The following CDKN2B-AS1 variants were observed in gnomAD, a reference collection of about 807,000 sequenced individuals.
CDKN2B-AS1 encodes CDKN2B and CDKN2A antisense cis and trans regulatory RNA 1.
At chr9:22,085,626 C>T (rs1036155504) in intron 4 of CDKN2B-AS1, among the ~76,000 whole-genome samples, 8 of 150,320 alleles carry the variant, frequency 5.3e-5, no homozygotes, top group African/African-American at 2.0e-4. Flanking sequence ...GAAGCTGAGG[C>T]AGGAGAATGG....
At chr9:22,074,163 C>A (rs796998435) in intron 4 of CDKN2B-AS1, among the ~76,000 whole-genome samples, 1 of 152,072 alleles carries the variant, frequency 6.6e-6, no homozygotes, top group Non-Finnish European at 1.5e-5. Flanking sequence ...GTGCTTGGCA[C>A]CTAGAGGATT....
chr9:22,050,871 T>C (rs1823317124), intron 3 of CDKN2B-AS1, among the ~76,000 whole-genome samples: 1 of 152,178 alleles, frequency 6.6e-6, no homozygotes, highest in Admixed American at 6.5e-5. Flanking sequence ...GTGTGTGACC[T>C]GCAAAGTGCT....
intron 4 of CDKN2B-AS1, among the ~76,000 whole-genome samples, chr9:22,090,642 G>C (rs1464742319): frequency 1.3e-5 from 2 of 152,012 alleles, no homozygotes; most frequent in Non-Finnish European, 2.9e-5. Flanking sequence ...AGAAGTGTCT[G>C]TTCATATCCT....
At chr9:22,024,204 G>T (rs893388778) in intron 1 of CDKN2B-AS1, among the ~76,000 whole-genome samples, 7 of 152,110 alleles carry the variant, frequency 4.6e-5, no homozygotes, top group Non-Finnish European at 7.4e-5. Context: ...AAGACTTTAG[G>T]GGGCCATCGT....
Position 22,006,055 on chromosome 9 carries a change from C to T in CDKN2B-AS1, n.29+10894C>T, listed in dbSNP as rs1821164024. On this transcript the variant is annotated intron_variant and non_coding_transcript_variant, in intron 1 of 4. Transcript: ENST00000650946. The surrounding 1 kb of genome is among the most constrained non-coding windows in gnomAD (Gnocchi z 6.4). ...TGGCCCCGCTCCTCGGCCAAGTCCACGGGCAGACGACCCCAGGCATCGCGC... is the reference window on the plus strand; with the variant it reads ...TGGCCCCGCTCCTCGGCCAAGTCCATGGGCAGACGACCCCAGGCATCGCGC... 3 of 1,605,458 alleles carry T rather than the reference C, an allele frequency of 1.9e-6. No individual in the cohort carries two copies. The highest frequency in any genetic ancestry group is 1.7e-5 in the Admixed American group (1 of 59,944).
chr9:22,077,442 C>G (rs770576829), intron 4 of CDKN2B-AS1, among the ~76,000 whole-genome samples: 8 of 152,020 alleles, frequency 5.3e-5, no homozygotes, highest in South Asian at 2.1e-4. Flanking sequence ...ATACATGTAT[C>G]CAAGTTGCTC....
intron 4 of CDKN2B-AS1, chr9:22,077,591 G>A (rs917894472): frequency 1.3e-5 from 2 of 152,124 alleles, no homozygotes; most frequent in Non-Finnish European, 2.9e-5. Flanking sequence ...AGTCACCTGA[G>A]GCTAGTGACA....
chr9:22,107,556 C>T (rs1825692353), intron 4 of CDKN2B-AS1, among the ~76,000 whole-genome samples: 1 of 152,182 alleles, frequency 6.6e-6, no homozygotes, highest in Non-Finnish European at 1.5e-5. Context: ...AGTCCTTGTA[C>T]TGGGGATTAC....
At chr9:22,120,245 T>G (rs1228739577) in intron 4 of CDKN2B-AS1, 1 of 152,238 alleles carries the variant, frequency 6.6e-6, no homozygotes, top group Non-Finnish European at 1.5e-5. Context: ...CATGAGCTAT[T>G]GAGGCCTTTG....
chr9:22,019,114 A>T (rs921848496), intron 1 of CDKN2B-AS1, among the ~76,000 whole-genome samples: 11 of 152,218 alleles, frequency 7.2e-5, no homozygotes, highest in Non-Finnish European at 1.3e-4. Flanking sequence ...TGACTGGAGC[A>T]TAGGGATGGA....
At chr9:22,015,016 A>G (rs549375258) in intron 1 of CDKN2B-AS1, among the ~76,000 whole-genome samples, 1 of 152,070 alleles carries the variant, frequency 6.6e-6, no homozygotes, top group South Asian at 2.1e-4. Flanking sequence ...TCATTGTTGG[A>G]CATTTGGGTT....
chr9:22,095,149 T>A (rs1825229665), intron 4 of CDKN2B-AS1, among the ~76,000 whole-genome samples: 2 of 144,766 alleles, frequency 1.4e-5, no homozygotes, highest in Non-Finnish European at 1.5e-5. Context: ...CAGCAAATGT[T>A]CCTGCCTGAT....
At chr9:22,090,770 G>T (rs1238153391) in intron 4 of CDKN2B-AS1, among the ~76,000 whole-genome samples, 2 of 152,054 alleles carry the variant, frequency 1.3e-5, no homozygotes, top group African/African-American at 4.8e-5. Flanking sequence ...CTCCCATTCT[G>T]TAGGTTGGCT....
chr9:22,058,061 G>T (rs995858234), intron 4 of CDKN2B-AS1, among the ~76,000 whole-genome samples: 2 of 149,454 alleles, frequency 1.3e-5, no homozygotes, highest in Non-Finnish European at 3.0e-5. Flanking sequence ...AGGTGTGGTG[G>T]TGGGCACCTG....
At chr9:22,113,982 C>A (rs1290571762) in intron 4 of CDKN2B-AS1, among the ~76,000 whole-genome samples, 1 of 152,186 alleles carries the variant, frequency 6.6e-6, no homozygotes, top group Non-Finnish European at 1.5e-5. Flanking sequence ...CTTAAAAAGA[C>A]TCTATAGAGT....
At chr9:22,069,120 TG>T (rs574284422) in intron 4 of CDKN2B-AS1, among the ~76,000 whole-genome samples, 342 of 152,270 alleles carry the variant, frequency 2.2e-3, no homozygotes, top group Middle Eastern at 0.01. Flanking sequence ...ACTTTTCCTG[TG>T]TGAAAATAAT....
intron 1 of CDKN2B-AS1, chr9:22,004,293 C>T: frequency 4.3e-6 from 1 of 232,444 alleles, no homozygotes; most frequent in Non-Finnish European, 8.5e-6. Context: ...TCTTATAAGT[C>T]TCCACTCTCA....
intron 4 of CDKN2B-AS1, among the ~76,000 whole-genome samples, chr9:22,126,576 T>C (rs1171441264): frequency 1.4e-5 from 2 of 140,786 alleles, no homozygotes; most frequent in Non-Finnish European, 3.1e-5. Flanking sequence ...AGTGGATTCT[T>C]TTTTTTTTTT....
intron 1 of CDKN2B-AS1, among the ~76,000 whole-genome samples, chr9:22,045,588 T>C (rs2131271786): frequency 6.6e-6 from 1 of 152,088 alleles, no homozygotes; most frequent in Non-Finnish European, 1.5e-5. Flanking sequence ...CAAAACAGGC[T>C]GGGGGAACAG....
Sources: allele counts gnomAD v4.1 joint callset (sites outside exome capture counted in the v4.1 genomes callset), GRCh38; gene constraint gnomAD v4.1.1; non-coding constraint Gnocchi (gnomAD v3.1); transcripts MANE v1.5; gene names NCBI Gene and HGNC (gene_info 2026-07-23, HGNC 2026-07-21).